Variants in UPK1A observed in about 807,000 individuals in gnomAD.
UPK1A encodes the protein uroplakin-1a.
UPK1A carries 31 observed loss-of-function variants against 32.3 expected under a neutral mutation model. That is an observed-to-expected ratio of 0.96 (90% CI 0.72 to 1.30). The LOEUF (loss-of-function observed/expected upper bound fraction) is 1.30, where lower values mean the gene tolerates loss of function less well. Among genes scored for constraint, UPK1A ranks in the 50% most tolerant of loss-of-function variants. The pLI, the probability that UPK1A is intolerant of heterozygous loss-of-function variation, is 0.00. For missense variants in UPK1A, 340 were observed against 357.4 expected (o/e 0.95, Z 0.39); for synonymous variants, 135 against 137.1 (o/e 0.98, Z 0.11).
chr19:35,677,532 C>CAAAA (rs56715648), intron 6 of UPK1A, among the ~76,000 whole-genome samples: 2 of 123,100 alleles, frequency 1.6e-5, no homozygotes, highest in Non-Finnish European at 3.5e-5. Flanking sequence ...AGACTGTCTC[C>CAAAA]AAAAAAAAAA....
At chr19:35,677,025 C>T (rs563592361) in intron 6 of UPK1A, among the ~76,000 whole-genome samples, 28 of 151,822 alleles carry the variant, frequency 1.8e-4, no homozygotes, top group African/African-American at 6.8e-4. Flanking sequence ...AGCTCAAGAC[C>T]AGCCTGGGCA....
chr19:35,677,441 G>A (rs1968198663), intron 6 of UPK1A, among the ~76,000 whole-genome samples: 1 of 151,680 alleles, frequency 6.6e-6, no homozygotes. Flanking sequence ...CAGGAGAATT[G>A]CTTGAACGCG....
intron 2 of UPK1A, 83 bp from the exon 3 acceptor site, chr19:35,668,371 G>T (rs1968032188): frequency 6.5e-7 from 1 of 1,547,094 alleles, no homozygotes; most frequent in East Asian, 2.3e-5. Context: ...GGCTCCAAAT[G>T]GGGAGGGAAC....
At chr19:35,671,577 C>T (rs1281718006) in intron 3 of UPK1A, among the ~76,000 whole-genome samples, 4 of 148,150 alleles carry the variant, frequency 2.7e-5, no homozygotes, top group Non-Finnish European at 4.5e-5. Flanking sequence ...CCTGCCTCAG[C>T]CTCCCGAGTA....
chr19:35,666,744 C>T (rs890053903), intron 1 of UPK1A, 65 bp from the exon 2 acceptor site: 1 of 1,538,162 alleles, frequency 6.5e-7, no homozygotes, highest in Non-Finnish European at 9.0e-7. Context: ...CAGGGTGTGG[C>T]TCAGAGATGG....
intron 5 of UPK1A, among the ~76,000 whole-genome samples, chr19:35,674,684 A>G (rs1259620547): frequency 6.6e-6 from 1 of 152,064 alleles, no homozygotes. Context: ...AAGGATTCAA[A>G]CTCAGACTTC....
intron 3 of UPK1A, 145 bp downstream of exon 3, chr19:35,668,799 T>C (rs1189825065): frequency 1.1e-6 from 1 of 931,190 alleles, no homozygotes. Context: ...TCATTCAGTC[T>C]TCCCACAGCC....
chr19:35,677,803 C>T lies in UPK1A; in HGVS notation c.649-9C>T. On this transcript the variant is annotated splice_polypyrimidine_tract_variant and intron_variant, in intron 6 of 7. Coordinates refer to ENST00000617999, the Ensembl canonical transcript of UPK1A. ...CGTCTTCTCAAACTTCCCCCATCCC[C>T]CTGCCCAGGGCTGCTTCGAACACAT... The T allele has an allele frequency of 6.2e-7, 1 of 1,612,158 alleles. No individual in the cohort carries two copies. Among genetic ancestry groups the T allele is most frequent in the South Asian group, 1.1e-5 (1 of 90,976 alleles).
At chr19:35,676,902 CA>C (rs76089763) in intron 6 of UPK1A, among the ~76,000 whole-genome samples, 15,117 of 149,144 alleles carry the variant, frequency 0.1, 881 homozygotes, top group East Asian at 0.2. Context: ...CCATCTCAAA[CA>C]AAAAAAAACA....
chr19:35,678,151 C>A, exon 8 of UPK1A: 1 of 1,191,484 alleles, frequency 8.4e-7, no homozygotes. Flanking sequence ...CTTCCACTTC[C>A]AAGATCTTTT....
chr19:35,671,174 G>A (rs1424717843), intron 3 of UPK1A, among the ~76,000 whole-genome samples: 2 of 151,792 alleles, frequency 1.3e-5, no homozygotes, highest in Non-Finnish European at 2.9e-5. Context: ...GGATCACAAG[G>A]TCAGGAGATC....
exon 2 of UPK1A, chr19:35,666,866 C>A (rs776296013): frequency 6.2e-7 from 1 of 1,614,058 alleles, no homozygotes; most frequent in Middle Eastern, 1.6e-4. Flanking sequence ...TTGTGGTGGG[C>A]CTGCTAGTTG....
At chr19:35,670,871 T>C (rs955545264) in intron 3 of UPK1A, among the ~76,000 whole-genome samples, 1 of 150,346 alleles carries the variant, frequency 6.7e-6, no homozygotes, top group Non-Finnish European at 1.5e-5. Flanking sequence ...TGCATCACCA[T>C]GTGCAGCTAA....
intron 3 of UPK1A, among the ~76,000 whole-genome samples, chr19:35,669,886 A>C (rs1968060138): frequency 6.6e-6 from 1 of 152,142 alleles, no homozygotes; most frequent in African/African-American, 2.4e-5. Context: ...AGATTCCCAG[A>C]AGCAGCCACT....
chr19:35,673,416 TG>T lies in UPK1A; in HGVS notation c.361-21del, dbSNP rs767350874. 9 of 1,612,514 alleles carry T rather than the reference TG, an allele frequency of 5.6e-6. No individual in the cohort carries two copies. In the African/African-American group the frequency reaches 1.2e-4, roughly 22 times the overall value. On this transcript the variant is annotated intron_variant, in intron 4 of 7. Transcript: ENST00000617999. ...CTCCCCACCCAGCCCTGCCGGCCCT[TG>T]TTCTTCCCTGTTCTCCTCAGATGGT...
At chr19:35,669,821 C>T (rs1968058610) in intron 3 of UPK1A, among the ~76,000 whole-genome samples, 2 of 152,182 alleles carry the variant, frequency 1.3e-5, no homozygotes, top group African/African-American at 4.8e-5. Flanking sequence ...TTCCAATTCA[C>T]GGCCCCAATG....
chr19:35,669,970 A>G (rs1054421573), intron 3 of UPK1A, among the ~76,000 whole-genome samples: 3 of 152,208 alleles, frequency 2.0e-5, no homozygotes, highest in Admixed American at 1.3e-4. Context: ...CTCTGTGCTG[A>G]GCGAAACATA....
chr19:35,675,719 A>G (rs1296708981), intron 5 of UPK1A, 121 bp from the exon 6 acceptor site: 2 of 1,161,232 alleles, frequency 1.7e-6, no homozygotes, highest in Non-Finnish European at 2.4e-6. Flanking sequence ...GGCCCAGGAC[A>G]TGGGGAAGTT....
chr19:35,670,158 C>T (rs753002881), intron 3 of UPK1A, among the ~76,000 whole-genome samples: 43 of 152,150 alleles, frequency 2.8e-4, no homozygotes, highest in Admixed American at 7.2e-4. Context: ...GAGGTGGCAG[C>T]AAGGGCAAAG....
Sources: gnomAD v4.1 joint callset for allele counts (sites outside exome capture counted in the v4.1 genomes callset) on GRCh38, gnomAD v4.1.1 for gene constraint, MANE v1.5 for transcripts, NCBI Gene and HGNC (gene_info 2026-07-23, HGNC 2026-07-21) for gene names.